Variants in DNAJC13 observed in about 807,000 individuals in gnomAD.
The protein encoded by DNAJC13 is DnaJ heat shock protein family (Hsp40) member C13.
A neutral mutation model predicts 290.5 loss-of-function variants in DNAJC13; 75 were observed. The observed-to-expected ratio is 0.26, with a 90% CI of 0.21 to 0.31. DNAJC13 has a LOEUF of 0.31. DNAJC13 is among the 10% of genes least tolerant of loss of function. The pLI, the probability that DNAJC13 is intolerant of heterozygous loss-of-function variation, is 1.00. For synonymous variants in DNAJC13, 862 were observed against 892.0 expected, an observed-to-expected ratio of 0.97 and a Z score of 0.60; for missense variants, 2,260 against 2,674.5, an observed-to-expected ratio of 0.85 and a Z score of 3.42.
rs758986904 is a variant in DNAJC13 at position 132,467,244 on chromosome 3, A to G, written c.2139A>G (p.Lys713=). 6 of 1,613,958 alleles carry G rather than the reference A, an allele frequency of 3.7e-6. No homozygotes were observed. The highest frequency in any genetic ancestry group is 3.4e-6 in the Non-Finnish European group (4 of 1,179,902). Residue 713 remains lysine, a synonymous_variant, in exon 20 of 56, where the codon AAA becomes AAG. Coordinates refer to ENST00000260818, the MANE Select transcript of DNAJC13 (RefSeq NM_015268.4). ...LAGKAAKEVE[K]FAKEKVDLVL... ...GAAAAGCTGCTAAAGAAGTTGAAAA[A>G]TTTGCCAAAGAAAAAGTGGATCTTG...
At chr3:132,464,030 T>C (rs1260154433) in intron 17 of DNAJC13, among the ~76,000 whole-genome samples, 1 of 152,118 alleles carries the variant, frequency 6.6e-6, no homozygotes, top group Admixed American at 6.5e-5. Context: ...TTACTTTTTT[T>C]CCCCGACCTA....
Position 132,482,247 on chromosome 3 carries a change from C to G in DNAJC13, c.2896C>G (p.Pro966Ala). 1.2e-6 allele frequency: 2 copies of G among 1,613,332 alleles called. No individual in the cohort carries two copies. Among genetic ancestry groups the G allele is most frequent in the Non-Finnish European group, 1.7e-6 (2 of 1,179,656 alleles). Residue 966 changes from proline to alanine, a missense_variant, in exon 27 of 56, where the codon CCA (proline) becomes GCA (alanine). By Grantham distance (27) the Pro-to-Ala change is conservative. Around this residue, in one of 3 missense-constraint regions of DNAJC13, gnomAD observed 1,494 missense variants for 1,693.7 expected, o/e 0.88. Transcript: ENST00000260818. Reference protein sequence around the residue: ...PLQSNVIEAAPDMKRESEKEW... With the variant: ...PLQSNVIEAAADMKRESEKEW... ...TTAGAGCAATGTAATTGAAGCTGCT[C>G]CAGATATGAAAAGAGAGAGTGAAAA...
chr3:132,492,279 A>G (rs556577102), intron 32 of DNAJC13, 135 bp from the exon 33 acceptor site: 1 of 983,136 alleles, frequency 1.0e-6, no homozygotes, highest in African/African-American at 1.6e-5. Context: ...ACCATATTTA[A>G]AAGCTCTCAT....
chr3:132,418,075 T>A (rs1938846862), intron 1 of DNAJC13, among the ~76,000 whole-genome samples: 1 of 152,088 alleles, frequency 6.6e-6, no homozygotes, highest in Admixed American at 6.6e-5. Context: ...CTTCATTCCC[T>A]TGTGGGTTCC....
At chr3:132,518,054 TA>T (rs1231185760) in intron 48 of DNAJC13, among the ~76,000 whole-genome samples, 1 of 151,956 alleles carries the variant, frequency 6.6e-6, no homozygotes, top group Non-Finnish European at 1.5e-5. Flanking sequence ...TTTTCTTTAT[TA>T]ATTTTTTTTA....
chr3:132,446,449 A>G, intron 2 of DNAJC13, 26 bp from the exon 3 acceptor site: 1 of 1,562,796 alleles, frequency 6.4e-7, no homozygotes, highest in South Asian at 1.2e-5. Context: ...TTAAAACTAA[A>G]TTTAAGCACT....
intron 44 of DNAJC13, 91 bp from the exon 45 acceptor site, chr3:132,512,917 T>C: frequency 9.6e-7 from 1 of 1,040,362 alleles, no homozygotes; most frequent in Non-Finnish European, 1.5e-6. Flanking sequence ...AGACTTAAAA[T>C]TGACAGTAAA....
chr3:132,483,494 T>C lies in DNAJC13; in HGVS notation c.3099T>C (p.Ser1033=). The C allele has an allele frequency of 2.5e-6, 4 of 1,614,198 alleles. No homozygotes were observed. The South Asian group carries it at 4.4e-5, about 18-fold the overall frequency. Residue 1033 remains serine (S), a synonymous_variant, in exon 28 of 56, where the codon AGT becomes AGC. Coordinates refer to ENST00000260818, the MANE Select transcript of DNAJC13 (RefSeq NM_015268.4). ...IPQLKWCLLA[S]GQAVLNETDL... is the part of the protein sequence containing the mutation. ...AGCTTAAGTGGTGTCTCTTAGCCAGTGGACAGGCTGTCCTGAATGAAACTG... is the reference window on the plus strand; with the variant it reads ...AGCTTAAGTGGTGTCTCTTAGCCAGCGGACAGGCTGTCCTGAATGAAACTG...
At chr3:132,535,748 C>T (rs1323164831) in intron 55 of DNAJC13, among the ~76,000 whole-genome samples, 3 of 152,176 alleles carry the variant, frequency 2.0e-5, no homozygotes, top group Non-Finnish European at 4.4e-5. Context: ...GTCCAGCAGC[C>T]TTGTGCAATC....
chr3:132,462,368 C>G (rs1410776065), intron 15 of DNAJC13, 99 bp from the exon 16 acceptor site: 1 of 1,161,454 alleles, frequency 8.6e-7, no homozygotes, highest in Non-Finnish European at 1.2e-6. Flanking sequence ...TGGCTTATAC[C>G]TTGTGTAAAA....
chr3:132,522,582 A>G (rs1021136792), intron 48 of DNAJC13, among the ~76,000 whole-genome samples: 9 of 152,164 alleles, frequency 5.9e-5, no homozygotes, highest in African/African-American at 2.2e-4. Context: ...TTTGGTCACC[A>G]TGGCAGAACA....
chr3:132,514,674 T>C lies in DNAJC13; in HGVS notation c.5485+4T>C, dbSNP rs774418029. The C allele has an allele frequency of 1.2e-6, 2 of 1,602,542 alleles. No homozygotes were observed. Among genetic ancestry groups the C allele is most frequent in the South Asian group, 1.1e-5 (1 of 89,394 alleles). On this transcript the variant is annotated splice_donor_region_variant and intron_variant, in intron 46 of 55. Coordinates refer to ENST00000260818, the MANE Select transcript of DNAJC13 (RefSeq NM_015268.4). ...CTTCTACATTCATTGCCATCAAGTA[T>C]GTATACAGATGGAATTTTGGAAACC...
chr3:132,499,461 G>C, intron 37 of DNAJC13, 151 bp downstream of exon 37: 1 of 767,122 alleles, frequency 1.3e-6, no homozygotes, highest in Non-Finnish European at 2.0e-6. Context: ...CCAAATTAAA[G>C]GTAGAAATGG....
In DNAJC13 at chr3:132,477,813, G is replaced by A; in HGVS notation, c.2470G>A (p.Glu824Lys). The change falls in exon 23 of 56, where the codon GAA becomes AAA. Residue 824 changes from glutamate (E) to lysine (K), a missense_variant. By Grantham distance (56) the Glu-to-Lys change is moderately conservative. This residue lies in a region of DNAJC13 where 4 missense variants were observed against 16.7 expected (regional missense o/e 0.24). Coordinates refer to ENST00000260818, the MANE Select transcript of DNAJC13 (RefSeq NM_015268.4). ...FEVKYECLAE[E>K]IKIGDYYLRL... ...GGTTAAATATGAGTGCCTGGCAGAG[G>A]AAATTAAAATAGGAGACTATTACCT... The A allele has an allele frequency of 6.2e-7, 1 of 1,612,302 alleles. No homozygotes were observed. Among genetic ancestry groups the A allele is most frequent in the Non-Finnish European group, 8.5e-7 (1 of 1,179,410 alleles).
At chr3:132,499,442 A>G in intron 37 of DNAJC13, 132 bp downstream of exon 37, 3 of 836,478 alleles carry the variant, frequency 3.6e-6, no homozygotes, top group Non-Finnish European at 5.3e-6. Flanking sequence ...TATTTTCCAT[A>G]TTCTTATACC....
chr3:132,500,055 A>G lies in DNAJC13; in HGVS notation c.4416+247A>G, dbSNP rs142684984. 1.2e-3 allele frequency among the ~76,000 whole-genome samples: 180 copies of G among 152,288 alleles called. 1 individual carries two copies. The highest frequency in any genetic ancestry group is 4.2e-3 in the African/African-American group (174 of 41,552). Reference sequence around the variant, plus strand: ...AAGAAACTGTACTAAAGCACTTGTGATCTGTTGGCTTACGTTTTCTTTCTT... The same window carrying G: ...AAGAAACTGTACTAAAGCACTTGTGGTCTGTTGGCTTACGTTTTCTTTCTT... On this transcript the variant is annotated intron_variant, in intron 38 of 55. Coordinates refer to ENST00000260818, the MANE Select transcript of DNAJC13 (RefSeq NM_015268.4).
intron 20 of DNAJC13, among the ~76,000 whole-genome samples, chr3:132,467,933 C>A (rs897779141): frequency 2.0e-5 from 3 of 151,980 alleles, no homozygotes; most frequent in Admixed American, 2.0e-4. Context: ...TTATTTTCTT[C>A]CCTTCTTCTC....
intron 6 of DNAJC13, among the ~76,000 whole-genome samples, chr3:132,452,275 A>G (rs1385755811): frequency 1.3e-5 from 2 of 152,244 alleles, no homozygotes; most frequent in East Asian, 3.8e-4. Context: ...GAATTAATCC[A>G]CTTTCTCACT....
At chr3:132,513,165 TATCA>T in intron 45 of DNAJC13, 66 bp downstream of exon 45, 7 of 1,313,806 alleles carry the variant, frequency 5.3e-6, no homozygotes, top group African/African-American at 1.5e-5. Flanking sequence ...TTTGAGTCTC[TATCA>T]GTCATTGTCT....
Sources: allele counts gnomAD v4.1 joint callset (sites outside exome capture counted in the v4.1 genomes callset), GRCh38; gene constraint gnomAD v4.1.1; regional missense constraint gnomAD v4.1.1; transcripts MANE v1.5; gene names NCBI Gene and HGNC (gene_info 2026-07-23, HGNC 2026-07-21).